The following CHST11 variants were observed in gnomAD, a reference collection of about 807,000 sequenced individuals.
The protein encoded by CHST11 is carbohydrate sulfotransferase 11, also known as C4S-1.
Under a neutral mutation model 30.4 loss-of-function variants are expected in CHST11, and 9 were observed. That is an observed-to-expected ratio of 0.30 (90% CI 0.18 to 0.52). The LOEUF (loss-of-function observed/expected upper bound fraction) is 0.52, where lower values mean the gene tolerates loss of function less well. Among genes scored for constraint, CHST11 ranks in the 20% least tolerant of loss-of-function variants. The pLI is 0.97. For missense variants in CHST11, 348 were observed against 460.6 expected (o/e 0.76, Z 2.24); for synonymous variants, 152 against 187.8 (o/e 0.81, Z 1.56).
At chr12:104,545,904 C>T (rs2038343052) in intron 1 of CHST11, among the ~76,000 whole-genome samples, 1 of 152,148 alleles carries the variant, frequency 6.6e-6, no homozygotes, top group Non-Finnish European at 1.5e-5. Flanking sequence ...CAGCTCACTG[C>T]AACCTCCACC....
intron 2 of CHST11, among the ~76,000 whole-genome samples, chr12:104,691,465 G>T (rs2039895798): frequency 1.3e-5 from 2 of 150,904 alleles, no homozygotes; most frequent in Admixed American, 1.3e-4. Context: ...GGGCGGGGGG[G>T]AAACCAGGCA....
intron 2 of CHST11, among the ~76,000 whole-genome samples, chr12:104,604,742 G>A (rs964296416): frequency 2.6e-5 from 4 of 152,154 alleles, no homozygotes; most frequent in African/African-American, 9.7e-5. Context: ...TGCTCCCCGA[G>A]CTGGTGTTTC....
intron 1 of CHST11, among the ~76,000 whole-genome samples, chr12:104,541,681 G>T (rs1795864): frequency 1.3e-5 from 2 of 151,934 alleles, no homozygotes; most frequent in African/African-American, 2.4e-5. Flanking sequence ...CCATCTCATG[G>T]GGAAATTGGG....
Position 104,729,528 on chromosome 12 carries a change from T to A in CHST11, c.205-27421T>A, listed in dbSNP as rs770063944. On this transcript the variant is annotated intron_variant, in intron 2 of 2. Coordinates refer to ENST00000303694, the MANE Select transcript of CHST11 (RefSeq NM_018413.6). The surrounding 1 kb of genome is among the most constrained non-coding windows in gnomAD (Gnocchi z 4.0). Reference sequence around the variant, plus strand: ...AGGAATCTGCATTTTAACAAGCCCCTGCCCTCTGACTTTGAGATCCAGGCA... The same window carrying A: ...AGGAATCTGCATTTTAACAAGCCCCAGCCCTCTGACTTTGAGATCCAGGCA... 6.6e-6 allele frequency among the ~76,000 whole-genome samples: 1 copy of A among 152,152 alleles called. No homozygotes were observed. Among genetic ancestry groups the A allele is most frequent in the African/African-American group, 2.4e-5 (1 of 41,436 alleles).
intron 1 of CHST11, among the ~76,000 whole-genome samples, chr12:104,564,228 A>AC (rs1456197705): frequency 6.6e-6 from 1 of 152,108 alleles, no homozygotes. Context: ...CCCTGTGGGG[A>AC]CCAGCCCACT....
At chr12:104,669,465 G>C (rs1250298424) in intron 2 of CHST11, among the ~76,000 whole-genome samples, 1 of 151,946 alleles carries the variant, frequency 6.6e-6, no homozygotes, top group Non-Finnish European at 1.5e-5. Flanking sequence ...TCTTTCCACT[G>C]TCCCCGAGGC....
At chr12:104,457,808 C>G (rs913268773) in intron 1 of CHST11, among the ~76,000 whole-genome samples, 2 of 122,178 alleles carry the variant, frequency 1.6e-5, no homozygotes, top group Non-Finnish European at 1.8e-5. Context: ...TTTTTTTCTT[C>G]TTCTTTTTTT....
intron 1 of CHST11, among the ~76,000 whole-genome samples, chr12:104,595,473 AC>A (rs1367094929): frequency 6.6e-6 from 1 of 152,128 alleles, no homozygotes; most frequent in Non-Finnish European, 1.5e-5. Flanking sequence ...GGCTTGTTTA[AC>A]CCATGGTTCT....
At chr12:104,575,004 C>T (rs916395133) in intron 1 of CHST11, among the ~76,000 whole-genome samples, 3 of 151,962 alleles carry the variant, frequency 2.0e-5, no homozygotes, top group African/African-American at 7.2e-5. Context: ...CCAGCCTGGC[C>T]AACATGATGA....
intron 1 of CHST11, among the ~76,000 whole-genome samples, chr12:104,505,379 G>T (rs116816278): frequency 0.016 from 2,373 of 152,180 alleles, 66 homozygotes; most frequent in African/African-American, 0.053. Flanking sequence ...CAGTAGTTCA[G>T]AGGCTAAGCA....
chr12:104,613,924 T>G (rs1230979153), intron 2 of CHST11, among the ~76,000 whole-genome samples: 2 of 152,190 alleles, frequency 1.3e-5, no homozygotes, highest in Admixed American at 6.5e-5. Context: ...GGTCAAGGGG[T>G]ACAAAGTTTC....
chr12:104,749,273 C>G (rs902533985), intron 2 of CHST11, among the ~76,000 whole-genome samples: 10 of 152,200 alleles, frequency 6.6e-5, no homozygotes, highest in Non-Finnish European at 2.9e-5. Flanking sequence ...CTCCAAACAA[C>G]TGGAATGTTT....
chr12:104,514,204 T>C (rs2037997688), intron 1 of CHST11: 2 of 897,404 alleles, frequency 2.2e-6, no homozygotes, highest in South Asian at 1.3e-5. Flanking sequence ...ACCAGTGTTG[T>C]CTCCGGGGAC....
chr12:104,577,854 C>T (rs1328128952), intron 1 of CHST11, among the ~76,000 whole-genome samples: 2 of 152,138 alleles, frequency 1.3e-5, no homozygotes, highest in African/African-American at 2.4e-5. Flanking sequence ...ATTTTTCTTA[C>T]CACGTGTCAA....
At chr12:104,483,199 C>T (rs539538954) in intron 1 of CHST11, among the ~76,000 whole-genome samples, 2 of 152,196 alleles carry the variant, frequency 1.3e-5, no homozygotes, top group East Asian at 1.9e-4. Context: ...ACAGTCTCTC[C>T]CCATGCATTT....
At chr12:104,534,315 A>C (rs868279949) in intron 1 of CHST11, among the ~76,000 whole-genome samples, 4 of 152,204 alleles carry the variant, frequency 2.6e-5, no homozygotes, top group Admixed American at 6.5e-5. Context: ...GATATGGGCC[A>C]CAAATGAAGA....
Position 104,622,818 on chromosome 12 carries a change from G to A in CHST11, c.204+20827G>A, listed in dbSNP as rs547601229. ...AATAAACGGCTGAGACCCATGCCAA[G>A]CACATGGTAAAAGTGTGTAATTGCG... On this transcript the variant is annotated intron_variant, in intron 2 of 2. Transcript: ENST00000303694. Among the ~76,000 whole-genome samples, 155 of 152,324 alleles carry A rather than the reference G, an allele frequency of 1.0e-3. 1 individual carries two copies. Among genetic ancestry groups the A allele is most frequent in the Admixed American group, 3.3e-4 (5 of 15,298 alleles).
chr12:104,724,311 A>T (rs2040200867), intron 2 of CHST11, among the ~76,000 whole-genome samples: 1 of 152,122 alleles, frequency 6.6e-6, no homozygotes, highest in Non-Finnish European at 1.5e-5. Context: ...GGGGGAGGGG[A>T]ATGGGGAGTT....
chr12:104,651,487 C>T (rs1224186755), intron 2 of CHST11, among the ~76,000 whole-genome samples: 4 of 152,144 alleles, frequency 2.6e-5, no homozygotes, highest in African/African-American at 2.4e-5. Context: ...AAAATATTAC[C>T]TTGGAACCCT....
Sources: gnomAD v4.1 joint callset for allele counts (sites outside exome capture counted in the v4.1 genomes callset) on GRCh38, gnomAD v4.1.1 for gene constraint, Gnocchi (gnomAD v3.1) non-coding constraint, MANE v1.5 for transcripts, NCBI Gene and HGNC (gene_info 2026-07-23, HGNC 2026-07-21) for gene names.